TFDP1: variants seen among roughly 807,000 people sequenced by gnomAD.
TFDP1 encodes DRTF1-polypeptide 1.
TFDP1 carries 6 observed loss-of-function variants against 48.0 expected under a neutral mutation model. The ratio of observed to expected loss-of-function variants is 0.13; its 90% confidence interval spans 0.07 to 0.25. TFDP1 has a LOEUF of 0.25. Ranked by LOEUF, TFDP1 falls within the 10% of genes least tolerant of loss-of-function variation. The pLI is 1.00. For synonymous variants in TFDP1, 201 were observed against 211.6 expected (o/e 0.95, Z 0.44); for missense variants, 335 against 543.0 (o/e 0.62, Z 3.81).
At chr13:113,610,907 G>C (rs1025715346) in intron 2 of TFDP1, 89 bp from the exon 3 acceptor site, 13 of 1,226,060 alleles carry the variant, frequency 1.1e-5, no homozygotes, top group Non-Finnish European at 1.5e-5. Flanking sequence ...GACGTTATTT[G>C]ATAGAACCCT....
chr13:113,627,483 C>T lies in TFDP1; in HGVS notation c.187-4140C>T, dbSNP rs1208870799. ...GCGCCACTGGCCCTGTCTCTCTGGA[C>T]ACCGCGGTTAACCTTGGTCCATCTC... is the stretch of plus-strand genomic sequence containing the variant. On this transcript the variant is annotated intron_variant, in intron 4 of 11. Transcript: ENST00000375370. This position sits in a 1 kb window ranked among gnomAD's most constrained non-coding sequence, Gnocchi z 4.1. Among the ~76,000 whole-genome samples, 1 of 152,224 alleles carries T rather than the reference C, an allele frequency of 6.6e-6. No individual in the cohort carries two copies. Among genetic ancestry groups the T allele is most frequent in the Admixed American group, 6.5e-5 (1 of 15,282 alleles).
rs2049201365 is a variant in TFDP1 at position 113,627,162 on chromosome 13, G to A, written c.186+3876G>A. On this transcript the variant is annotated intron_variant, in intron 4 of 11. Coordinates refer to ENST00000375370, the MANE Select transcript of TFDP1 (RefSeq NM_007111.5). This position sits in a 1 kb window ranked among gnomAD's most constrained non-coding sequence, Gnocchi z 4.1. ...GGCTCATTCTGACACGAGGGGTGGG[G>A]CTCAGTCCGGGCATGTGAGTGAAAG... Among the ~76,000 whole-genome samples, 2 of 152,186 alleles carry A rather than the reference G, an allele frequency of 1.3e-5. No homozygotes were observed. Among genetic ancestry groups the A allele is most frequent in the South Asian group, 4.1e-4 (2 of 4,836 alleles).
At chr13:113,600,612 C>T (rs2048397207) in intron 2 of TFDP1, among the ~76,000 whole-genome samples, 1 of 149,448 alleles carries the variant, frequency 6.7e-6, no homozygotes, top group South Asian at 2.1e-4. Context: ...AGAGAGAATC[C>T]TCGCACGTGG....
intron 9 of TFDP1, 76 bp downstream of exon 9, chr13:113,636,204 T>C (rs1566678343): frequency 9.1e-6 from 14 of 1,535,660 alleles, no homozygotes; most frequent in Non-Finnish European, 1.2e-5. Flanking sequence ...GTATTGTCAC[T>C]AGGACAAGTT....
intron 11 of TFDP1, among the ~76,000 whole-genome samples, chr13:113,638,461 G>A (rs950935906): frequency 3.3e-5 from 5 of 151,484 alleles, no homozygotes; most frequent in East Asian, 1.9e-4. Flanking sequence ...CGGTCTCGGC[G>A]CACGTGCTGC....
chr13:113,610,314 C>T (rs2048676403), intron 2 of TFDP1, among the ~76,000 whole-genome samples: 1 of 151,710 alleles, frequency 6.6e-6, no homozygotes, highest in South Asian at 2.1e-4. Flanking sequence ...CACGTGTGTG[C>T]CCTGACGTGT....
At chr13:113,628,932 G>A (rs752193349) in intron 4 of TFDP1, among the ~76,000 whole-genome samples, 4 of 152,200 alleles carry the variant, frequency 2.6e-5, no homozygotes, top group Non-Finnish European at 4.4e-5. Context: ...ACTGGAAGGC[G>A]TCCTGTGGCA....
At chr13:113,634,358 GA>G in intron 7 of TFDP1, 175 bp from the exon 8 acceptor site, 2 of 646,428 alleles carry the variant, frequency 3.1e-6, no homozygotes, top group East Asian at 2.7e-5. Context: ...TTTAGAAATG[GA>G]AAAAAAACTC....
chr13:113,613,857 TGA>T (rs562690700), intron 3 of TFDP1, among the ~76,000 whole-genome samples: 5 of 151,262 alleles, frequency 3.3e-5, no homozygotes, highest in Non-Finnish European at 7.4e-5. Flanking sequence ...GCATGTGTGT[TGA>T]GTGTGCATGA....
At chr13:113,601,924 C>A (rs575031799) in intron 2 of TFDP1, among the ~76,000 whole-genome samples, 1,839 of 132,014 alleles carry the variant, frequency 0.014, 34 homozygotes, top group Non-Finnish European at 0.016. Context: ...GCTACTCCCT[C>A]TGTAGCTCTG....
chr13:113,616,034 C>G (rs1438951149), intron 3 of TFDP1, among the ~76,000 whole-genome samples: 8 of 151,978 alleles, frequency 5.3e-5, no homozygotes, highest in Non-Finnish European at 5.9e-5. Context: ...GAAACCACCT[C>G]TCCACTAAAA....
intron 2 of TFDP1, among the ~76,000 whole-genome samples, chr13:113,597,594 A>G (rs769964298): frequency 1.3e-5 from 2 of 152,146 alleles, no homozygotes; most frequent in African/African-American, 2.4e-5. Context: ...TGCCCTCCCT[A>G]CAGGGCAGTG....
intron 3 of TFDP1, among the ~76,000 whole-genome samples, chr13:113,613,812 C>T (rs191080899): frequency 2.9e-3 from 431 of 150,550 alleles, no homozygotes; most frequent in South Asian, 0.011. Context: ...AGTGTCTGTG[C>T]GTGTCTGTTC....
At chr13:113,625,319 T>TCTCTCAC (rs2049117685) in intron 4 of TFDP1, among the ~76,000 whole-genome samples, 4 of 69,160 alleles carry the variant, frequency 5.8e-5, no homozygotes, top group Admixed American at 1.6e-4. Context: ...TCCTCACGTG[T>TCTCTCAC]TTCTCAGGCG....
intron 2 of TFDP1, among the ~76,000 whole-genome samples, chr13:113,602,317 G>C (rs2048456172): frequency 6.6e-6 from 1 of 152,054 alleles, no homozygotes; most frequent in Admixed American, 6.5e-5. Context: ...GGAGTTGAGG[G>C]AGGAGTGGAT....
Position 113,623,597 on chromosome 13 carries a change from G to C in TFDP1, c.186+311G>C, listed in dbSNP as rs1030511105. On this transcript the variant is annotated intron_variant, in intron 4 of 11. Transcript: ENST00000375370. This position sits in a 1 kb window ranked among gnomAD's most constrained non-coding sequence, Gnocchi z 5.2. ...CAACCAGAGGCAGCTTCCTTTTAGTGTCAGAGCTCGAAGCTCTTCATCTAA... is the reference window on the plus strand; with the variant it reads ...CAACCAGAGGCAGCTTCCTTTTAGTCTCAGAGCTCGAAGCTCTTCATCTAA... Among the ~76,000 whole-genome samples the C allele has an allele frequency of 2.0e-5, 3 of 152,162 alleles. No homozygotes were observed. Among genetic ancestry groups the C allele is most frequent in the Non-Finnish European group, 2.9e-5 (2 of 68,010 alleles).
At position 113,637,912 on chromosome 13, in the gene TFDP1, G is replaced by A. The variant is rs2049536156; in HGVS notation, c.1085+16G>A. On this transcript the variant is annotated intron_variant, in intron 11 of 11. Transcript: ENST00000375370. The stretch of plus-strand genomic sequence containing the variant: ...TCTCTGCCAGGTGACAGTCGTTGAG[G>A]GTGTGGGAGAGGCGTCATCTGGGCC... The A allele has an allele frequency of 6.2e-7, 1 of 1,611,042 alleles. No homozygotes were observed. Among genetic ancestry groups the A allele is most frequent in the South Asian group, 1.1e-5 (1 of 90,968 alleles).
intron 11 of TFDP1, 24 bp from the exon 12 acceptor site, chr13:113,640,096 C>T (rs1566682367): frequency 3.2e-6 from 5 of 1,561,276 alleles, no homozygotes; most frequent in Admixed American, 2.0e-5. Context: ...GCACTGACGG[C>T]GCCATCCGCC....
chr13:113,588,000 C>T (rs1256476337), intron 2 of TFDP1, among the ~76,000 whole-genome samples: 7 of 151,992 alleles, frequency 4.6e-5, no homozygotes, highest in East Asian at 1.9e-4. Flanking sequence ...GGATTACAGG[C>T]GCGCCACCAC....
Sources: allele counts gnomAD v4.1 joint callset (sites outside exome capture counted in the v4.1 genomes callset), GRCh38; gene constraint gnomAD v4.1.1; non-coding constraint Gnocchi (gnomAD v3.1); transcripts MANE v1.5; gene names NCBI Gene and HGNC (gene_info 2026-07-23, HGNC 2026-07-21).